Variants in PKN2 observed in about 807,000 individuals in gnomAD.
PKN2 encodes the protein serine/threonine-protein kinase N2.
In PKN2, 38 loss-of-function variants were observed where a neutral mutation model predicts 119.1. The ratio of observed to expected loss-of-function variants is 0.32; its 90% CI spans 0.25 to 0.42. The LOEUF is 0.42. Ranked by LOEUF, PKN2 falls within the 10% of genes least tolerant of loss-of-function variation. PKN2 has a pLI of 1.00. For synonymous variants in PKN2, 390 were observed against 384.9 expected (o/e 1.01, Z -0.15); for missense variants, 850 against 1,165.1 (o/e 0.73, Z 3.94).
At chr1:88,686,677 G>A (rs1051952886) in intron 1 of PKN2, among the ~76,000 whole-genome samples, 1 of 152,054 alleles carries the variant, frequency 6.6e-6, no homozygotes, top group Non-Finnish European at 1.5e-5. Context: ...TTATTAAAAT[G>A]TTTGCGACTA....
At chr1:88,731,292 A>G (rs1557572643) in intron 1 of PKN2, among the ~76,000 whole-genome samples, 1 of 152,228 alleles carries the variant, frequency 6.6e-6, no homozygotes, top group Non-Finnish European at 1.5e-5. Flanking sequence ...AGTTGAGAGC[A>G]CTTTCCTTTT....
intron 2 of PKN2, among the ~76,000 whole-genome samples, chr1:88,743,652 C>T (rs1668658997): frequency 6.6e-6 from 1 of 152,140 alleles, no homozygotes; most frequent in Non-Finnish European, 1.5e-5. Context: ...GACATGTGTT[C>T]ACTCATCTAT....
chr1:88,834,621 T>G lies in PKN2; in HGVS notation c.*1173T>G, dbSNP rs1471826953. On this transcript the variant is annotated 3_prime_UTR_variant, in exon 22 of 22. Coordinates refer to ENST00000370521, the MANE Select transcript of PKN2 (RefSeq NM_006256.4). ...TATATTGTAACAGAATGTATAAATA[T>G]TTTTGATAAAACAGTCTATATTTTA... The G allele has an allele frequency of 6.6e-6, 1 of 152,470 alleles. No homozygotes were observed. Among genetic ancestry groups the G allele is most frequent in the East Asian group, 1.9e-4 (1 of 5,194 alleles). The allele number at this position is 152,470 out of a possible 1,614,324, so 9.4% of individuals were successfully genotyped here.
chr1:88,760,875 C>T (rs1274995544), intron 3 of PKN2, among the ~76,000 whole-genome samples: 1 of 152,062 alleles, frequency 6.6e-6, no homozygotes, highest in East Asian at 1.9e-4. Flanking sequence ...GTAAAGGATA[C>T]ACAGGAGCTT....
At chr1:88,735,327 T>C (rs1668295943) in intron 1 of PKN2, among the ~76,000 whole-genome samples, 1 of 151,938 alleles carries the variant, frequency 6.6e-6, no homozygotes, top group Non-Finnish European at 1.5e-5. Flanking sequence ...CCCAGCTGAT[T>C]TTTTAATTTT....
At chr1:88,818,334 C>A (rs902917259) in intron 16 of PKN2, among the ~76,000 whole-genome samples, 1 of 152,184 alleles carries the variant, frequency 6.6e-6, no homozygotes, top group Non-Finnish European at 1.5e-5. Context: ...CTACCATTGA[C>A]TTTCTTCACA....
chr1:88,817,387 C>T (rs1249306094), intron 16 of PKN2, among the ~76,000 whole-genome samples: 11 of 139,354 alleles, frequency 7.9e-5, no homozygotes, highest in African/African-American at 2.5e-4. Context: ...TCCAGCCTGG[C>T]GACAGAGCAA....
At chr1:88,785,533 G>C (rs1266755349) in intron 7 of PKN2, among the ~76,000 whole-genome samples, 1 of 152,196 alleles carries the variant, frequency 6.6e-6, no homozygotes, top group East Asian at 1.9e-4. Context: ...AGTCCACTGA[G>C]ATGGGGGATG....
intron 8 of PKN2, among the ~76,000 whole-genome samples, chr1:88,801,013 A>G (rs918547655): frequency 6.6e-6 from 1 of 152,092 alleles, no homozygotes; most frequent in African/African-American, 2.4e-5. Context: ...ATCTAACAGC[A>G]TGCCCTTGCC....
At chr1:88,742,603 T>C (rs1447513159) in intron 2 of PKN2, among the ~76,000 whole-genome samples, 3 of 152,116 alleles carry the variant, frequency 2.0e-5, no homozygotes, top group Non-Finnish European at 4.4e-5. Context: ...TCTTACACAC[T>C]CTATAATTAT....
chr1:88,698,792 C>G (rs1482079350), intron 1 of PKN2, among the ~76,000 whole-genome samples: 1 of 152,120 alleles, frequency 6.6e-6, no homozygotes, highest in East Asian at 1.9e-4. Context: ...TATGCATTAA[C>G]CTAGTGATTT....
chr1:88,800,400 C>T (rs1412371161), intron 8 of PKN2, among the ~76,000 whole-genome samples: 1 of 152,114 alleles, frequency 6.6e-6, no homozygotes, highest in Non-Finnish European at 1.5e-5. Context: ...TATAACTTCC[C>T]ACATCTTGGG....
In PKN2 at chr1:88,716,195, G is replaced by A. The variant is rs192851712; in HGVS notation, c.49-24793G>A. 3.2e-3 allele frequency among the ~76,000 whole-genome samples: 489 copies of A among 152,268 alleles called. 6 individuals carry two copies. Among genetic ancestry groups the A allele is most frequent in the Non-Finnish European group, 5.9e-3 (401 of 68,020 alleles). On this transcript the variant is annotated intron_variant, in intron 1 of 21. Coordinates refer to ENST00000370521, the MANE Select transcript of PKN2 (RefSeq NM_006256.4). ...ATTTCTTTTCTTTTACATTTGCTGAGGAGTGCTTTACTTCCAACTATGTGG... is the reference window on the plus strand; with the variant it reads ...ATTTCTTTTCTTTTACATTTGCTGAAGAGTGCTTTACTTCCAACTATGTGG...
At chr1:88,767,856 T>A (rs928450051) in intron 3 of PKN2, among the ~76,000 whole-genome samples, 1 of 152,196 alleles carries the variant, frequency 6.6e-6, no homozygotes, top group Non-Finnish European at 1.5e-5. Context: ...TTATCTCCAA[T>A]CTCTTTCTTC....
intron 8 of PKN2, among the ~76,000 whole-genome samples, chr1:88,790,455 A>G (rs1383323202): frequency 6.6e-5 from 10 of 152,206 alleles, no homozygotes; most frequent in Non-Finnish European, 1.5e-4. Context: ...TACCAACCTA[A>G]TAGGTTGGAA....
intron 1 of PKN2, among the ~76,000 whole-genome samples, chr1:88,712,627 T>G (rs966923238): frequency 5.3e-5 from 8 of 152,196 alleles, no homozygotes; most frequent in African/African-American, 1.9e-4. Context: ...TATAAATTAT[T>G]AAAAACATTA....
At chr1:88,761,907 G>A (rs1381695629) in intron 3 of PKN2, among the ~76,000 whole-genome samples, 2 of 152,034 alleles carry the variant, frequency 1.3e-5, no homozygotes, top group Non-Finnish European at 2.9e-5. Flanking sequence ...TTTATAAAAT[G>A]TTATTTTGAC....
chr1:88,829,211 A>G (rs1672633810), intron 19 of PKN2: 1 of 732,702 alleles, frequency 1.4e-6, no homozygotes. Context: ...CAGAACGTAC[A>G]TTAACATCAG....
intron 2 of PKN2, among the ~76,000 whole-genome samples, chr1:88,758,038 CAAAAAA>C (rs33914457): frequency 1.7e-5 from 1 of 59,070 alleles, no homozygotes; most frequent in South Asian, 6.7e-4. Flanking sequence ...GAGACTATCT[CAAAAAA>C]AAAAAAAAAA....
Sources: gnomAD v4.1 joint callset for allele counts (sites outside exome capture counted in the v4.1 genomes callset) on GRCh38, gnomAD v4.1.1 for gene constraint, MANE v1.5 for transcripts, NCBI Gene and HGNC (gene_info 2026-07-23, HGNC 2026-07-21) for gene names.